The following SLC35F4 variants were observed in gnomAD, a reference collection of about 807,000 sequenced individuals.
SLC35F4 encodes the protein solute carrier family 35 member F4.
In SLC35F4, 24 loss-of-function variants were observed where a neutral mutation model predicts 44.2. The ratio of observed to expected loss-of-function variants is 0.54; its 90% confidence interval spans 0.39 to 0.76. The LOEUF (loss-of-function observed/expected upper bound fraction) is 0.76, where lower values mean the gene tolerates loss of function less well. SLC35F4 is among the 30% of genes least tolerant of loss of function. The pLI, the probability that SLC35F4 is intolerant of heterozygous loss-of-function variation, is 0.00. For synonymous variants in SLC35F4, 238 were observed against 223.6 expected (o/e 1.06, Z -0.57); for missense variants, 562 against 586.1 (o/e 0.96, Z 0.42).
chr14:57,955,496 A>G (rs78964859), intron 1 of SLC35F4, among the ~76,000 whole-genome samples: 1 of 152,198 alleles, frequency 6.6e-6, no homozygotes, highest in Non-Finnish European at 1.5e-5. Flanking sequence ...GAGGAAGTCA[A>G]ATTGTCTCTG....
intron 1 of SLC35F4, among the ~76,000 whole-genome samples, chr14:57,905,248 C>T (rs1403353708): frequency 6.6e-6 from 1 of 152,196 alleles, no homozygotes; most frequent in African/African-American, 2.4e-5. Context: ...ATGTGAGCCT[C>T]TCCACAGGGC....
chr14:57,772,068 T>C (rs775109929), intron 1 of SLC35F4, among the ~76,000 whole-genome samples: 8 of 152,162 alleles, frequency 5.3e-5, no homozygotes, highest in Non-Finnish European at 1.2e-4. Context: ...CACATCGAAA[T>C]AGGAAAACAT....
intron 1 of SLC35F4, among the ~76,000 whole-genome samples, chr14:57,632,985 CA>C (rs2072855968): frequency 6.6e-6 from 1 of 152,058 alleles, no homozygotes; most frequent in Non-Finnish European, 1.5e-5. Flanking sequence ...TGGACTCATG[CA>C]GTATATAGAC....
intron 1 of SLC35F4, among the ~76,000 whole-genome samples, chr14:57,932,166 G>C (rs1889709864): frequency 6.6e-6 from 1 of 152,130 alleles, no homozygotes; most frequent in South Asian, 2.1e-4. Flanking sequence ...CCATCAGCTT[G>C]CTAGAGTTTA....
chr14:57,865,687 C>T (rs1428586475), intron 1 of SLC35F4, 36 bp downstream of exon 1: 2 of 1,496,226 alleles, frequency 1.3e-6, no homozygotes, highest in Non-Finnish European at 1.8e-6. Context: ...CACCTCCCTT[C>T]CCCGCCTCGC....
intron 1 of SLC35F4, chr14:57,596,083 TA>T (rs1415353955): frequency 6.6e-6 from 1 of 152,414 alleles, no homozygotes; most frequent in African/African-American, 2.4e-5. Flanking sequence ...AAAGAAATGA[TA>T]AATGCTTGAG....
At chr14:57,819,044 T>A (rs1882897796) in intron 1 of SLC35F4, among the ~76,000 whole-genome samples, 1 of 152,136 alleles carries the variant, frequency 6.6e-6, no homozygotes, top group Non-Finnish European at 1.5e-5. Context: ...ACATTAAATT[T>A]AAAAAAATTT....
chr14:57,939,938 G>A (rs953254780), intron 1 of SLC35F4, among the ~76,000 whole-genome samples: 9 of 152,208 alleles, frequency 5.9e-5, no homozygotes, highest in Admixed American at 2.0e-4. Flanking sequence ...GGTTAAACAG[G>A]TTAAGTAAGG....
At chr14:57,848,193 C>T (rs1290717056) in intron 1 of SLC35F4, among the ~76,000 whole-genome samples, 1 of 152,154 alleles carries the variant, frequency 6.6e-6, no homozygotes, top group Non-Finnish European at 1.5e-5. Flanking sequence ...CTAAAATCAG[C>T]AGTCTTGTGT....
intron 1 of SLC35F4, among the ~76,000 whole-genome samples, chr14:57,885,287 G>A (rs1888622666): frequency 6.6e-6 from 1 of 152,152 alleles, no homozygotes; most frequent in Admixed American, 6.5e-5. Context: ...GTATGTTAGA[G>A]GAATGCAGGT....
chr14:57,887,067 G>C (rs1888665679), intron 1 of SLC35F4, among the ~76,000 whole-genome samples: 1 of 152,132 alleles, frequency 6.6e-6, no homozygotes, highest in Admixed American at 6.5e-5. Flanking sequence ...TATGCACAGA[G>C]GCCTTCAGTT....
At chr14:57,752,508 C>T (rs11158172) in intron 1 of SLC35F4, among the ~76,000 whole-genome samples, 53,618 of 150,904 alleles carry the variant, frequency 0.36, 9,626 homozygotes, top group African/African-American at 0.42. Flanking sequence ...GTCGCCAGGC[C>T]GGAGTGCAGT....
intron 1 of SLC35F4, among the ~76,000 whole-genome samples, chr14:57,760,310 G>A (rs1177987444): frequency 6.6e-6 from 1 of 152,080 alleles, no homozygotes; most frequent in Non-Finnish European, 1.5e-5. Context: ...TGTGTAACAT[G>A]GCACCCTTTT....
At chr14:57,915,105 G>A (rs1251062430) in intron 1 of SLC35F4, among the ~76,000 whole-genome samples, 1 of 140,476 alleles carries the variant, frequency 7.1e-6, no homozygotes, top group Non-Finnish European at 1.6e-5. Context: ...TGGAGCACTG[G>A]ATTGAGTTAA....
intron 1 of SLC35F4, among the ~76,000 whole-genome samples, chr14:57,746,838 T>G (rs1235854901): frequency 6.6e-6 from 1 of 152,144 alleles, no homozygotes; most frequent in African/African-American, 2.4e-5. Flanking sequence ...AAAATATGTT[T>G]TTTAAACGAC....
intron 1 of SLC35F4, among the ~76,000 whole-genome samples, chr14:57,826,240 C>G (rs1372928269): frequency 6.6e-6 from 1 of 152,062 alleles, no homozygotes; most frequent in Non-Finnish European, 1.5e-5. Context: ...CTACAAAAAG[C>G]TCACAAAAGC....
chr14:57,951,791 G>T (rs1227380632), intron 1 of SLC35F4, among the ~76,000 whole-genome samples: 1 of 152,208 alleles, frequency 6.6e-6, no homozygotes, highest in Non-Finnish European at 1.5e-5. Context: ...CCACTCAGGG[G>T]CCTATAGATA....
At chr14:57,648,221 G>A (rs1280153226) in intron 1 of SLC35F4, among the ~76,000 whole-genome samples, 1 of 152,126 alleles carries the variant, frequency 6.6e-6, no homozygotes, top group Non-Finnish European at 1.5e-5. Flanking sequence ...CATCATTCTT[G>A]ATGGCACAGA....
At chr14:57,583,366 A>G (rs1044010114) in intron 3 of SLC35F4, among the ~76,000 whole-genome samples, 1 of 151,826 alleles carries the variant, frequency 6.6e-6, no homozygotes, top group African/African-American at 2.4e-5. Context: ...ACAACTACTG[A>G]TTGCCTTTTA....
Sources: gnomAD v4.1 joint callset for allele counts (sites outside exome capture counted in the v4.1 genomes callset) on GRCh38, gnomAD v4.1.1 for gene constraint, MANE v1.5 for transcripts, NCBI Gene and HGNC (gene_info 2026-07-23, HGNC 2026-07-21) for gene names.